Variants in ITPR2 observed in about 807,000 individuals in gnomAD.
ITPR2 encodes inositol 1,4,5-trisphosphate receptor type 2, also known as inositol 1,4,5-trisphosphate-gated calcium channel ITPR2.
A neutral mutation model predicts 317.1 loss-of-function variants in ITPR2; 207 were observed. The ratio of observed to expected loss-of-function variants is 0.65; its 90% CI spans 0.58 to 0.73. The LOEUF is 0.73. Among genes scored for constraint, ITPR2 ranks in the 30% least tolerant of loss-of-function variants. ITPR2 has a pLI of 0.00. For synonymous variants in ITPR2, 1,156 were observed against 1,149.1 expected (o/e 1.01, Z -0.12); for missense variants, 2,613 against 3,284.0 (o/e 0.80, Z 4.99).
chr12:26,742,152 A>G (rs1303577925), intron 2 of ITPR2, among the ~76,000 whole-genome samples: 1 of 152,236 alleles, frequency 6.6e-6, no homozygotes, highest in Non-Finnish European at 1.5e-5. Context: ...GTATTTACCA[A>G]AGAGAAATGA....
intron 2 of ITPR2, among the ~76,000 whole-genome samples, chr12:26,785,202 C>T (rs1321811592): frequency 2.9e-5 from 1 of 34,080 alleles, no homozygotes; most frequent in African/African-American, 7.0e-5. Flanking sequence ...CCCGGCCAGC[C>T]GCCCCGTCCG....
At chr12:26,567,686 G>T (rs2137044417) in intron 34 of ITPR2, among the ~76,000 whole-genome samples, 1 of 151,584 alleles carries the variant, frequency 6.6e-6, no homozygotes, top group East Asian at 1.9e-4. Context: ...GATATGGTCG[G>T]AAATAAATTC....
intron 13 of ITPR2, among the ~76,000 whole-genome samples, chr12:26,676,689 A>C (rs1223466366): frequency 6.6e-6 from 1 of 152,090 alleles, no homozygotes; most frequent in Non-Finnish European, 1.5e-5. Context: ...TGTTTAAAAA[A>C]TATAATTAAT....
intron 45 of ITPR2, among the ~76,000 whole-genome samples, chr12:26,450,254 C>T (rs1313284206): frequency 6.6e-6 from 1 of 152,116 alleles, no homozygotes; most frequent in African/African-American, 2.4e-5. Context: ...AAGTTGTGGA[C>T]ATTTGTTATG....
rs1950599030 is a variant in ITPR2 at position 26,803,814 on chromosome 12, C to T, written c.93-13587G>A. ...TGATCAGACATAAAAGAGAAACATTCCTAGGAGGAAATAGTTGGCAAGAGA... is the reference window on the plus strand; with the variant it reads ...TGATCAGACATAAAAGAGAAACATTTCTAGGAGGAAATAGTTGGCAAGAGA... On this transcript the variant is annotated intron_variant, in intron 1 of 56. Coordinates refer to ENST00000381340, the MANE Select transcript of ITPR2 (RefSeq NM_002223.4). 2.0e-5 allele frequency among the ~76,000 whole-genome samples: 3 copies of T among 152,056 alleles called. No individual in the cohort carries two copies. The South Asian group carries it at 6.2e-4, about 31-fold the overall frequency.
chr12:26,450,190 G>A (rs2136756444), intron 45 of ITPR2, among the ~76,000 whole-genome samples: 1 of 152,296 alleles, frequency 6.6e-6, no homozygotes, highest in East Asian at 1.9e-4. Flanking sequence ...CTTGGCTTAG[G>A]ACTTTCGGCT....
At chr12:26,804,375 G>T (rs117666558) in intron 1 of ITPR2, among the ~76,000 whole-genome samples, 1 of 152,320 alleles carries the variant, frequency 6.6e-6, no homozygotes, top group East Asian at 1.9e-4. Flanking sequence ...GGGACTAATT[G>T]TGGCTAGAAT....
intron 9 of ITPR2, among the ~76,000 whole-genome samples, chr12:26,700,749 T>C (rs1256469002): frequency 6.6e-6 from 1 of 152,092 alleles, no homozygotes; most frequent in African/African-American, 2.4e-5. Context: ...AAAGGGAAAG[T>C]AACTAAGGGC....
At chr12:26,676,338 G>A (rs1016680558) in intron 13 of ITPR2, among the ~76,000 whole-genome samples, 13 of 151,858 alleles carry the variant, frequency 8.6e-5, no homozygotes, top group Admixed American at 7.9e-4. Context: ...TTAGCCAGAT[G>A]TGGTGGCAGG....
At chr12:26,730,307 A>G (rs1480567889) in intron 2 of ITPR2, among the ~76,000 whole-genome samples, 1 of 152,232 alleles carries the variant, frequency 6.6e-6, no homozygotes, top group Non-Finnish European at 1.5e-5. Flanking sequence ...CAGCTATTTC[A>G]GAGCAACCCG....
intron 1 of ITPR2, among the ~76,000 whole-genome samples, chr12:26,791,941 T>C (rs1230059838): frequency 6.6e-6 from 1 of 152,192 alleles, no homozygotes; most frequent in African/African-American, 2.4e-5. Context: ...ACATAAAAAT[T>C]ACATAATGTA....
intron 2 of ITPR2, among the ~76,000 whole-genome samples, chr12:26,787,817 A>C (rs374877043): frequency 3.3e-5 from 5 of 152,188 alleles, no homozygotes; most frequent in East Asian, 1.9e-4. Flanking sequence ...GAAAACACAA[A>C]AAGAAGAAAA....
intron 2 of ITPR2, among the ~76,000 whole-genome samples, chr12:26,768,571 TAAAAAAAAAAAAA>T (rs879291062): frequency 1.0e-5 from 1 of 96,188 alleles, no homozygotes; most frequent in East Asian, 4.3e-4. Context: ...CAAATATATA[TAAAAAAAAAAAAA>T]AAAAAAAAAA....
chr12:26,501,682 T>C (rs998169041), intron 37 of ITPR2, among the ~76,000 whole-genome samples: 10 of 152,166 alleles, frequency 6.6e-5, no homozygotes, highest in African/African-American at 2.4e-4. Flanking sequence ...CTGTGGAAAA[T>C]GTTAGATCCA....
Position 26,339,455 on chromosome 12 carries a change from C to T in ITPR2, c.8048G>A (p.Arg2683Lys), listed in dbSNP as rs1382569130. 1 of 1,613,892 alleles carries T rather than the reference C, an allele frequency of 6.2e-7. No individual in the cohort carries two copies. Reference sequence around the variant, plus strand: ...TGTGTTTGATCCGAGGAAGCCCAGTCTCTGCTTATTCTTCCTTTGTTCTGT... The same window carrying T: ...TGTGTTTGATCCGAGGAAGCCCAGTTTCTGCTTATTCTTCCTTTGTTCTGT... Reference protein sequence around the residue: ...QMTEQRKNKQRLGFLGSNTPH... With the variant: ...QMTEQRKNKQKLGFLGSNTPH... Residue 2683 changes from arginine (R) to lysine (K), a missense_variant, in exon 57 of 57, where the codon AGA becomes AAA. Transcript: ENST00000381340.
intron 55 of ITPR2, among the ~76,000 whole-genome samples, chr12:26,372,802 G>A (rs1939223587): frequency 1.3e-5 from 2 of 152,124 alleles, no homozygotes; most frequent in South Asian, 4.1e-4. Flanking sequence ...CTTCCAAATG[G>A]TACTGGGTCC....
intron 2 of ITPR2, among the ~76,000 whole-genome samples, chr12:26,768,569 T>TAAA (rs1949776684): frequency 1.4e-4 from 2 of 14,584 alleles, no homozygotes; most frequent in Admixed American, 8.8e-4. Flanking sequence ...TACAAATATA[T>TAAA]ATAAAAAAAA....
intron 9 of ITPR2, among the ~76,000 whole-genome samples, chr12:26,708,114 A>G (rs1395493268): frequency 6.6e-6 from 1 of 152,210 alleles, no homozygotes; most frequent in Non-Finnish European, 1.5e-5. Context: ...GCTGATGAAG[A>G]TGTGGAGAAA....
chr12:26,419,044 C>A lies in ITPR2; in HGVS notation c.7110+5G>T. On this transcript the variant is annotated splice_donor_5th_base_variant and intron_variant, in intron 50 of 56. Coordinates refer to ENST00000381340, the MANE Select transcript of ITPR2 (RefSeq NM_002223.4). The stretch of plus-strand genomic sequence containing the variant: ...CAGTGATTGTCCACATAGAGATGTA[C>A]TCACCAGGAAGCTATAGAAGAATTC... The A allele has an allele frequency of 6.2e-7, 1 of 1,612,066 alleles. No homozygotes were observed.
Sources: gnomAD v4.1 joint callset for allele counts (sites outside exome capture counted in the v4.1 genomes callset) on GRCh38, gnomAD v4.1.1 for gene constraint, MANE v1.5 for transcripts, NCBI Gene and HGNC (gene_info 2026-07-23, HGNC 2026-07-21) for gene names.